NUAK2: variants seen among roughly 807,000 people sequenced by gnomAD.
NUAK2 encodes the protein NUAK family SNF1-like kinase 2.
NUAK2 carries 20 observed loss-of-function variants against 29.8 expected under a neutral mutation model. The observed-to-expected ratio is 0.67, with a 90% CI of 0.47 to 0.98. The LOEUF (loss-of-function observed/expected upper bound fraction) is 0.98. Ranked by LOEUF, NUAK2 falls within the 50% of genes least tolerant of loss-of-function variation. The pLI is 0.00. For missense variants in NUAK2, 719 were observed against 834.5 expected, an observed-to-expected ratio of 0.86 and a Z score of 1.71; for synonymous variants, 331 against 342.6, an observed-to-expected ratio of 0.97 and a Z score of 0.37.
rs781718255 is a variant in NUAK2, at chr1:205,304,311, G to T, written c.1026C>A (p.Pro342=). 1.2e-6 allele frequency: 2 copies of T among 1,610,864 alleles called. No homozygotes were observed. The highest frequency in any genetic ancestry group is 4.5e-5 in the East Asian group (2 of 44,794). Residue 342 remains proline, a synonymous_variant, in exon 7 of 7, where the codon CCC becomes CCA. Transcript: ENST00000367157. The surrounding 1 kb of genome is among the most constrained non-coding windows in gnomAD (Gnocchi z 6.5). ...MADWLRRSSR[P]LLENGAKVCS... Reference sequence around the variant, plus strand: ...ACACCTTGGCCCCATTCTCCAGGAGGGGGCGGGAGGAACGCCGGAGCCAGT... The same window carrying T: ...ACACCTTGGCCCCATTCTCCAGGAGTGGGCGGGAGGAACGCCGGAGCCAGT...
At chr1:205,306,407 T>C in intron 4 of NUAK2, 100 bp from the exon 5 acceptor site, 3 of 1,462,380 alleles carry the variant, frequency 2.1e-6, no homozygotes, top group Non-Finnish European at 2.8e-6. Context: ...AAACCCAAGC[T>C]CCAATAGAAG....
At chr1:205,307,422 A>G (rs968199362) in intron 4 of NUAK2, among the ~76,000 whole-genome samples, 24 of 152,114 alleles carry the variant, frequency 1.6e-4, no homozygotes, top group Non-Finnish European at 4.4e-5. Flanking sequence ...TGCTCCGGGA[A>G]TTGGCTGGTA....
chr1:205,321,709 C>A lies in NUAK2; in HGVS notation c.-81G>T. ...GCTGAAGCGCGGGGCACAGGTCCCG[C>A]ACCAGGACGGGGAGCCACAGCAGTA... is the stretch of plus-strand genomic sequence containing the variant. On this transcript the variant is annotated 5_prime_UTR_variant, in exon 1 of 7. Coordinates refer to ENST00000367157, the MANE Select transcript of NUAK2 (RefSeq NM_030952.3). 1.7e-6 allele frequency: 2 copies of A among 1,167,478 alleles called. No individual in the cohort carries two copies. The highest frequency in any genetic ancestry group is 1.2e-6 in the Non-Finnish European group (1 of 821,798). The allele number at this position is 1,167,478 out of a possible 1,614,324, so 72.3% of individuals were successfully genotyped here. A position where few individuals can be genotyped will look rare whatever the true frequency, so the allele number is the denominator to read the frequency against.
intron 1 of NUAK2, among the ~76,000 whole-genome samples, chr1:205,321,072 CAACTT>C (rs1484730576): frequency 2.0e-5 from 3 of 152,192 alleles, no homozygotes; most frequent in East Asian, 1.9e-4. Flanking sequence ...CAGCAAAACT[CAACTT>C]AAGTCCCATC....
intron 1 of NUAK2, among the ~76,000 whole-genome samples, chr1:205,319,472 C>A (rs1214904254): frequency 6.6e-6 from 1 of 152,068 alleles, no homozygotes; most frequent in Non-Finnish European, 1.5e-5. Flanking sequence ...GGGTCAAGAG[C>A]CTGATGGGAA....
At position 205,304,101 on chromosome 1, in the gene NUAK2, C is replaced by G; in HGVS notation, c.1236G>C (p.Lys412Asn). Residue 412 changes from lysine to asparagine, a missense_variant, in exon 7 of 7, where the codon AAG (lysine) becomes AAC (asparagine). Physicochemically the swap from Lys to Asn is moderately conservative, Grantham distance 94. This residue lies in a region of NUAK2 where 430 missense variants were observed against 465.7 expected (regional missense o/e 0.92). Transcript: ENST00000367157. This position sits in a 1 kb window ranked among gnomAD's most constrained non-coding sequence, Gnocchi z 6.5. ...CTTCTGCAGAGGCTGACACCTTCTT[C>G]TTGAGAATGCCCTTTGGCAGCTTGA... The part of the protein sequence containing the change: ...SNLKLPKGIL[K>N]KKVSASAEGV... 3 of 1,614,226 alleles carry G rather than the reference C, an allele frequency of 1.9e-6. No homozygotes were observed. The highest frequency in any genetic ancestry group is 2.5e-6 in the Non-Finnish European group (3 of 1,180,036).
At position 205,305,220 on chromosome 1, in the gene NUAK2, G is replaced by A. The variant is rs202048409; in HGVS notation, c.802C>T (p.Arg268Trp). The change falls in exon 6 of 7, where the codon CGG (arginine) becomes TGG (tryptophan). Residue 268 changes from arginine (R) to tryptophan (W), a missense_variant. By Grantham distance (101) the Arg-to-Trp change is moderately radical (BLOSUM62 -3). Around this residue, in one of 3 missense-constraint regions of NUAK2, gnomAD observed 6 missense variants for 23.3 expected, o/e 0.26. Coordinates refer to ENST00000367157, the MANE Select transcript of NUAK2 (RefSeq NM_030952.3). Reference sequence around the variant, plus strand: ...TCACCAGAGGGTTTAGGTGGCTCCCGGTAGGCCCCGTTGCTGATCTGTTTC... The same window carrying A: ...TCACCAGAGGGTTTAGGTGGCTCCCAGTAGGCCCCGTTGCTGATCTGTTTC... ...LVKQISNGAY[R>W]EPPKPSDACG... The A allele has an allele frequency of 2.6e-4, 414 of 1,614,144 alleles. 1 individual carries two copies. The highest frequency in any genetic ancestry group is 3.0e-4 in the Non-Finnish European group (352 of 1,179,996).
rs372432748 is a variant in NUAK2 at position 205,303,476 on chromosome 1, G to A, written c.1861C>T (p.Leu621=). The change falls in exon 7 of 7, where the codon CTG becomes TTG. Residue 621 remains leucine, a synonymous_variant. Coordinates refer to ENST00000367157, the MANE Select transcript of NUAK2 (RefSeq NM_030952.3). The part of the protein sequence containing the change: ...QEVTATYRQA[L]RVCSKLT ...CAGGTGAGCTTTGAGCAGACCCTCA[G>A]TGCCTGTCGGTAGGTCGCTGTCACC... is the stretch of plus-strand genomic sequence containing the variant. The A allele has an allele frequency of 2.3e-5, 37 of 1,600,974 alleles. No homozygotes were observed. The highest frequency in any genetic ancestry group is 3.0e-5 in the Non-Finnish European group (35 of 1,173,502).
chr1:205,313,072 G>A (rs1662277653), intron 1 of NUAK2, among the ~76,000 whole-genome samples: 1 of 152,262 alleles, frequency 6.6e-6, no homozygotes, highest in Non-Finnish European at 1.5e-5. Flanking sequence ...TGGGGGAGGG[G>A]AAATGGGGAG....
chr1:205,307,590 C>T (rs1662199868), intron 4 of NUAK2, among the ~76,000 whole-genome samples: 1 of 152,224 alleles, frequency 6.6e-6, no homozygotes, highest in Admixed American at 6.5e-5. Context: ...CCATGTCCTT[C>T]CTCCAGCCCT....
At chr1:205,311,318 C>T (rs1204152492) in intron 2 of NUAK2, among the ~76,000 whole-genome samples, 2 of 152,142 alleles carry the variant, frequency 1.3e-5, no homozygotes. Context: ...TTCAGCCTCC[C>T]CCAGATTGCT....
Position 205,308,032 on chromosome 1 carries a change from C to A in NUAK2, c.570+133G>T. The A allele has an allele frequency of 1.5e-6, 1 of 658,530 alleles. No homozygotes were observed. The highest frequency in any genetic ancestry group is 2.7e-6 in the Non-Finnish European group (1 of 368,170). 40.8% of individuals were successfully genotyped at this position (658,530 alleles called of 1,614,324 possible). ...GAATGGATGATGGCTGAGGTCCCTA[C>A]CAGTACCAATGAAGGTCAGCCTTGC... On this transcript the variant is annotated intron_variant, in intron 4 of 6. Coordinates refer to ENST00000367157, the MANE Select transcript of NUAK2 (RefSeq NM_030952.3). This position sits in a 1 kb window ranked among gnomAD's most constrained non-coding sequence, Gnocchi z 4.1.
At position 205,310,789 on chromosome 1, in the gene NUAK2, T is replaced by C. The variant is rs182871101; in HGVS notation, c.352+916A>G. 3.6e-4 allele frequency among the ~76,000 whole-genome samples: 55 copies of C among 152,278 alleles called. 1 individual carries two copies. Among genetic ancestry groups the C allele is most frequent in the African/African-American group, 1.2e-3 (49 of 41,556 alleles). Reference sequence around the variant, plus strand: ...AGGGAAGCACACACAGAGATAAAATTAGCCTTCTCAGCCACTTGCCTGGCT... The same window carrying C: ...AGGGAAGCACACACAGAGATAAAATCAGCCTTCTCAGCCACTTGCCTGGCT... On this transcript the variant is annotated intron_variant, in intron 2 of 6. Coordinates refer to ENST00000367157, the MANE Select transcript of NUAK2 (RefSeq NM_030952.3).
At position 205,308,753 on chromosome 1, in the gene NUAK2, A is replaced by G; in HGVS notation, c.353-21T>C. 6.2e-7 allele frequency: 1 copy of G among 1,611,440 alleles called. No individual in the cohort carries two copies. The highest frequency in any genetic ancestry group is 1.7e-4 in the Middle Eastern group (1 of 6,054). ...AAACACTGGGCAGAGCAAGGCAAGGAACGTCAGGCCCTCCCAGAGTGCACT... is the reference window on the plus strand; with the variant it reads ...AAACACTGGGCAGAGCAAGGCAAGGGACGTCAGGCCCTCCCAGAGTGCACT... On this transcript the variant is annotated intron_variant, in intron 2 of 6. Transcript: ENST00000367157. The surrounding 1 kb of genome is among the most constrained non-coding windows in gnomAD (Gnocchi z 4.1).
intron 4 of NUAK2, among the ~76,000 whole-genome samples, chr1:205,307,678 G>C (rs1021180295): frequency 6.6e-6 from 1 of 152,242 alleles, no homozygotes; most frequent in Non-Finnish European, 1.5e-5. Flanking sequence ...TCTAGCAGCT[G>C]CAGAAAGCAG....
intron 5 of NUAK2, 52 bp downstream of exon 5, chr1:205,306,136 A>G: frequency 6.5e-7 from 1 of 1,539,888 alleles, no homozygotes. Flanking sequence ...CCCAGGATCT[A>G]AAGTCATAGT....
intron 2 of NUAK2, among the ~76,000 whole-genome samples, chr1:205,309,889 G>T (rs973464702): frequency 1.3e-5 from 2 of 152,312 alleles, no homozygotes; most frequent in South Asian, 4.2e-4. Context: ...GTTCCTGGCA[G>T]CCACCTCATC....
intron 5 of NUAK2, chr1:205,305,659 C>T: frequency 3.6e-6 from 1 of 277,596 alleles, no homozygotes; most frequent in Non-Finnish European, 5.5e-6. Context: ...AGGCAAAGAA[C>T]TAACCTAGGA....
intron 2 of NUAK2, among the ~76,000 whole-genome samples, chr1:205,311,387 C>CA (rs893152487): frequency 3.9e-5 from 6 of 152,100 alleles, no homozygotes; most frequent in South Asian, 2.1e-4. Context: ...ATTATAACAA[C>CA]AAAAAAACCT....
Sources: gnomAD v4.1 joint callset for allele counts (sites outside exome capture counted in the v4.1 genomes callset) on GRCh38, gnomAD v4.1.1 for gene constraint, gnomAD v4.1.1 regional missense constraint, Gnocchi (gnomAD v3.1) non-coding constraint, MANE v1.5 for transcripts, NCBI Gene and HGNC (gene_info 2026-07-23, HGNC 2026-07-21) for gene names.